Variants in STT3B observed in about 807,000 individuals in gnomAD.
STT3B encodes STT3 oligosaccharyltransferase complex catalytic subunit B.
STT3B carries 29 observed loss-of-function variants against 96.8 expected under a neutral mutation model. The observed-to-expected ratio is 0.30, with a 90% CI of 0.22 to 0.41. The LOEUF (loss-of-function observed/expected upper bound fraction) is 0.41. Ranked by LOEUF, STT3B falls within the 10% of genes least tolerant of loss-of-function variation. STT3B has a pLI of 1.00. For synonymous variants in STT3B, 367 were observed against 360.0 expected (o/e 1.02, Z -0.22); for missense variants, 640 against 1,022.3 (o/e 0.63, Z 5.10).
chr3:31,547,057 T>A (rs1697431085), intron 1 of STT3B, among the ~76,000 whole-genome samples: 1 of 152,188 alleles, frequency 6.6e-6, no homozygotes, highest in South Asian at 2.1e-4. Flanking sequence ...TTTACAAGTA[T>A]TTTTATTTAC....
intron 3 of STT3B, among the ~76,000 whole-genome samples, chr3:31,591,170 C>T (rs547257810): frequency 6.6e-6 from 1 of 152,140 alleles, no homozygotes; most frequent in African/African-American, 2.4e-5. Flanking sequence ...TCCCTGTATA[C>T]TTAAAATTTT....
chr3:31,632,835 T>C (rs1209802244), intron 14 of STT3B, 100 bp from the exon 15 acceptor site: 2 of 1,021,108 alleles, frequency 2.0e-6, no homozygotes, highest in African/African-American at 3.2e-5. Flanking sequence ...TTTCCTAGTT[T>C]AAAGGGAGAA....
chr3:31,610,963 T>G (rs1425059860), intron 5 of STT3B, among the ~76,000 whole-genome samples: 3 of 152,238 alleles, frequency 2.0e-5, no homozygotes, highest in African/African-American at 7.2e-5. Flanking sequence ...GTATCATGTA[T>G]TTCCTTAGAG....
At chr3:31,623,576 ATTG>A in intron 10 of STT3B, 95 bp from the exon 11 acceptor site, 2 of 869,900 alleles carry the variant, frequency 2.3e-6, no homozygotes, top group Non-Finnish European at 3.5e-6. Context: ...ATAGAATTAA[ATTG>A]ATAGATAAAC....
At chr3:31,569,788 G>A (rs1698095879) in intron 1 of STT3B, among the ~76,000 whole-genome samples, 1 of 151,760 alleles carries the variant, frequency 6.6e-6, no homozygotes, top group African/African-American at 2.4e-5. Flanking sequence ...CTTTATTGGG[G>A]GAAAACTATA....
chr3:31,618,178 A>G (rs1699351072), intron 8 of STT3B, among the ~76,000 whole-genome samples, 190 bp downstream of exon 8: 1 of 152,216 alleles, frequency 6.6e-6, no homozygotes, highest in Middle Eastern at 3.4e-3. Context: ...CATCTTTAGT[A>G]TGAAATGTAC....
chr3:31,627,935 A>G (rs1188461992), intron 13 of STT3B, among the ~76,000 whole-genome samples: 4 of 152,118 alleles, frequency 2.6e-5, no homozygotes, highest in Non-Finnish European at 4.4e-5. Context: ...ATAAGAGGAT[A>G]TACAATAAAT....
At chr3:31,550,181 G>A (rs530634817) in intron 1 of STT3B, among the ~76,000 whole-genome samples, 3 of 152,256 alleles carry the variant, frequency 2.0e-5, no homozygotes, top group African/African-American at 7.2e-5. Flanking sequence ...TTAAGAGATG[G>A]TACTAAAATA....
At position 31,595,401 on chromosome 3, in the gene STT3B, G is replaced by T. The variant is rs115267244; in HGVS notation, c.712-1397G>T. Reference sequence around the variant, plus strand: ...AGTAGCTCAGCTGTTTTCTGTTTTGGCAGGTGGTGTTGTTTTCCCCTTTTC... The same window carrying T: ...AGTAGCTCAGCTGTTTTCTGTTTTGTCAGGTGGTGTTGTTTTCCCCTTTTC... On this transcript the variant is annotated intron_variant, in intron 3 of 15. Transcript: ENST00000295770. Among the ~76,000 whole-genome samples, 5 of 152,126 alleles carry T rather than the reference G, an allele frequency of 3.3e-5. No homozygotes were observed. The East Asian group carries it at 9.7e-4, about 29-fold the overall frequency.
intron 1 of STT3B, among the ~76,000 whole-genome samples, chr3:31,568,300 A>G (rs1397005859): frequency 1.3e-5 from 2 of 152,186 alleles, no homozygotes; most frequent in Non-Finnish European, 2.9e-5. Context: ...CTTGGCTATT[A>G]TGAATAATGC....
intron 8 of STT3B, 60 bp downstream of exon 8, chr3:31,618,048 T>C (rs771174341): frequency 1.0e-4 from 121 of 1,179,710 alleles, no homozygotes; most frequent in Non-Finnish European, 1.4e-4. Flanking sequence ...TCCTTTGTTT[T>C]TATCTGTTTT....
At chr3:31,599,138 A>C (rs1455127703) in intron 4 of STT3B, among the ~76,000 whole-genome samples, 2 of 152,098 alleles carry the variant, frequency 1.3e-5, no homozygotes, top group Non-Finnish European at 2.9e-5. Flanking sequence ...CAGGTTTCTT[A>C]AGATTGGGGT....
chr3:31,621,298 G>C (rs1699422084), intron 9 of STT3B, among the ~76,000 whole-genome samples: 2 of 152,048 alleles, frequency 1.3e-5, no homozygotes, highest in South Asian at 4.2e-4. Flanking sequence ...TTTTTGATAG[G>C]GGAGGGGGTT....
chr3:31,590,146 T>G (rs1339012084), intron 3 of STT3B, among the ~76,000 whole-genome samples: 1 of 152,024 alleles, frequency 6.6e-6, no homozygotes, highest in Non-Finnish European at 1.5e-5. Flanking sequence ...TAATATTTCT[T>G]TATAAGTCTT....
rs587777217 is a variant in STT3B at position 31,622,328 on chromosome 3, G to T, written c.1539+20G>T. On this transcript the variant is annotated intron_variant, in intron 10 of 15. Transcript: ENST00000295770. ...GATAAGGTGGGGAATCTAAAGTAAG[G>T]CCTTTAAATTGTCTATGTCCTTTCT... The T allele has an allele frequency of 6.3e-7, 1 of 1,591,962 alleles. No individual in the cohort carries two copies. The highest frequency in any genetic ancestry group is 1.3e-5 in the African/African-American group (1 of 74,396).
intron 13 of STT3B, 127 bp from the exon 14 acceptor site, chr3:31,629,171 T>G (rs1372847546): frequency 1.6e-6 from 1 of 631,088 alleles, no homozygotes; most frequent in Non-Finnish European, 2.8e-6. Context: ...TTTTTTGAGG[T>G]GTAACTGAAT....
At chr3:31,613,324 GA>G (rs1699227025) in intron 5 of STT3B, among the ~76,000 whole-genome samples, 1 of 152,076 alleles carries the variant, frequency 6.6e-6, no homozygotes, top group Non-Finnish European at 1.5e-5. Flanking sequence ...GTACTTAGAA[GA>G]AAGAAATCCA....
At chr3:31,580,154 CTT>C in intron 3 of STT3B, 58 bp downstream of exon 3, 2 of 1,532,834 alleles carry the variant, frequency 1.3e-6, no homozygotes, top group Non-Finnish European at 8.9e-7. Context: ...TCCTGAAACA[CTT>C]TAGGCTGTAC....
rs1364470746 is a variant in STT3B at position 31,619,872 on chromosome 3, A to T, written c.1327+42A>T. The T allele has an allele frequency of 1.9e-6, 3 of 1,572,242 alleles. No individual in the cohort carries two copies. The East Asian group carries it at 6.8e-5, about 36-fold the overall frequency. On this transcript the variant is annotated intron_variant, in intron 9 of 15. Coordinates refer to ENST00000295770, the MANE Select transcript of STT3B (RefSeq NM_178862.3). ...ATGAATACTTTGATATGGAATAGTT[A>T]TTTTTCTTTTTGAGATTATTTACTT... is the stretch of plus-strand genomic sequence containing the variant.
Sources: allele counts gnomAD v4.1 joint callset (sites outside exome capture counted in the v4.1 genomes callset), GRCh38; gene constraint gnomAD v4.1.1; transcripts MANE v1.5; gene names NCBI Gene and HGNC (gene_info 2026-07-23, HGNC 2026-07-21).